Variants in ADGRA3 observed in about 807,000 individuals in gnomAD.
ADGRA3 encodes the protein adhesion G protein-coupled receptor A3, also known as G-protein coupled receptor 125.
In ADGRA3, 56 loss-of-function variants were observed where a neutral mutation model predicts 119.8. That is an observed-to-expected ratio of 0.47 (90% CI 0.38 to 0.58). ADGRA3 has a LOEUF of 0.58. Ranked by LOEUF, ADGRA3 falls within the 20% of genes least tolerant of loss-of-function variation. The pLI is 0.00. For synonymous variants in ADGRA3, 607 were observed against 623.8 expected, an observed-to-expected ratio of 0.97 and a Z score of 0.40; for missense variants, 1,516 against 1,649.0, an observed-to-expected ratio of 0.92 and a Z score of 1.40.
intron 16 of ADGRA3, chr4:22,393,770 C>G (rs1469865495): frequency 6.6e-6 from 1 of 152,136 alleles, no homozygotes; most frequent in Non-Finnish European, 1.5e-5. Flanking sequence ...ATAATGCGAC[C>G]TCTCTGAAAT....
chr4:22,489,912 G>A (rs2109146989), intron 1 of ADGRA3, among the ~76,000 whole-genome samples: 1 of 152,242 alleles, frequency 6.6e-6, no homozygotes, highest in East Asian at 1.9e-4. Flanking sequence ...AAACACACTG[G>A]AGGATAAAAA....
intron 1 of ADGRA3, among the ~76,000 whole-genome samples, chr4:22,493,470 T>C (rs1370862788): frequency 6.6e-6 from 1 of 152,082 alleles, no homozygotes; most frequent in East Asian, 1.9e-4. Context: ...AGACAAAAAA[T>C]AATAATAATA....
In ADGRA3 at chr4:22,420,899, C is replaced by G; in HGVS notation, c.1796G>C (p.Ser599Thr). 6.2e-7 allele frequency: 1 copy of G among 1,613,880 alleles called. No individual in the cohort carries two copies. ...AATGTAACATACCTTTAGTGCCAGA[C>G]TCGAAAATGTATTTGAAACATTGCA... ...FKCNVSNTFS[S>T]LALKNTIVEA... Residue 599 changes from serine (S) to threonine (T), a missense_variant, in exon 12 of 19, where the codon AGT (serine) becomes ACT (threonine). By Grantham distance (58) the Ser-to-Thr change is moderately conservative. Coordinates refer to ENST00000334304, the MANE Select transcript of ADGRA3 (RefSeq NM_145290.4).
At chr4:22,390,430 TA>T in intron 17 of ADGRA3, among the ~76,000 whole-genome samples, 1 of 108,928 alleles carries the variant, frequency 9.2e-6, no homozygotes, top group Non-Finnish European at 1.6e-5. Flanking sequence ...ATATAATACG[TA>T]TTATATATAT....
intron 1 of ADGRA3, among the ~76,000 whole-genome samples, chr4:22,479,816 T>TA (rs150143399): frequency 0.19 from 28,170 of 152,008 alleles, 2,871 homozygotes; most frequent in East Asian, 0.26. Context: ...TATGCAGCCA[T>TA]AAAAAAGGAT....
At chr4:22,508,792 G>T (rs923921583) in intron 1 of ADGRA3, among the ~76,000 whole-genome samples, 3 of 152,108 alleles carry the variant, frequency 2.0e-5, no homozygotes, top group African/African-American at 7.2e-5. Context: ...AGGCAAAACT[G>T]CAAAAAGATC....
At chr4:22,462,399 C>G (rs538537289) in intron 2 of ADGRA3, among the ~76,000 whole-genome samples, 1 of 152,190 alleles carries the variant, frequency 6.6e-6, no homozygotes, top group South Asian at 2.1e-4. Flanking sequence ...CTGCAACCTC[C>G]ACCTCCCAGG....
Position 22,515,942 on chromosome 4 carries a change from C to A in ADGRA3, c.-158G>T, listed in dbSNP as rs1719655006. 9 of 306,904 alleles carry A rather than the reference C, an allele frequency of 2.9e-5. No individual in the cohort carries two copies. The highest frequency in any genetic ancestry group is 4.3e-5 in the Non-Finnish European group (9 of 209,934). 19.0% of individuals were successfully genotyped at this position (306,904 alleles called of 1,614,324 possible). On this transcript the variant is annotated 5_prime_UTR_variant, in exon 1 of 19. Transcript: ENST00000334304. The stretch of plus-strand genomic sequence containing the variant: ...CCCCGGCGCGGACATGCTCCTTTGT[C>A]CGCTGCGGCTGCGCTGGGCCTCTAG...
intron 1 of ADGRA3, among the ~76,000 whole-genome samples, chr4:22,492,814 T>C (rs765870295): frequency 2.0e-5 from 3 of 152,160 alleles, no homozygotes; most frequent in Admixed American, 6.5e-5. Context: ...TAAAAGCATA[T>C]CCCCATCATC....
At chr4:22,512,916 GT>G (rs1438358319) in intron 1 of ADGRA3, among the ~76,000 whole-genome samples, 2 of 22,056 alleles carry the variant, frequency 9.1e-5, no homozygotes, top group Non-Finnish European at 2.5e-4. Context: ...AACAAAAACT[GT>G]GCTCAACTAA....
At chr4:22,513,004 A>G (rs1719502101) in intron 1 of ADGRA3, among the ~76,000 whole-genome samples, 1 of 152,128 alleles carries the variant, frequency 6.6e-6, no homozygotes, top group Non-Finnish European at 1.5e-5. Flanking sequence ...TGATGCTACT[A>G]TGAGAATTCT....
At chr4:22,446,379 G>T (rs1420921304) in intron 5 of ADGRA3, among the ~76,000 whole-genome samples, 1 of 152,156 alleles carries the variant, frequency 6.6e-6, no homozygotes, top group East Asian at 1.9e-4. Context: ...AGCCAGACTA[G>T]CTTTTGTCTT....
intron 3 of ADGRA3, among the ~76,000 whole-genome samples, chr4:22,456,504 G>A (rs970515770): frequency 6.6e-6 from 1 of 152,182 alleles, no homozygotes; most frequent in Non-Finnish European, 1.5e-5. Context: ...CAGGCTACAG[G>A]TTCTTTGTCT....
At position 22,442,642 on chromosome 4, in the gene ADGRA3, A is replaced by T. The variant is rs1376595498; in HGVS notation, c.920+8T>A. 6.3e-7 allele frequency: 1 copy of T among 1,596,904 alleles called. No homozygotes were observed. The highest frequency in any genetic ancestry group is 1.1e-5 in the South Asian group (1 of 87,456). On this transcript the variant is annotated splice_region_variant and intron_variant, in intron 7 of 18. Transcript: ENST00000334304. Reference sequence around the variant, plus strand: ...AATTCTTCATTCAAAAAAAAAAAAAAAGTTTACCTTGCAATCAAGGAGCAG... The same window carrying T: ...AATTCTTCATTCAAAAAAAAAAAAATAGTTTACCTTGCAATCAAGGAGCAG...
chr4:22,389,721 C>A (rs1393252260), intron 17 of ADGRA3, among the ~76,000 whole-genome samples: 1 of 152,064 alleles, frequency 6.6e-6, no homozygotes, highest in East Asian at 1.9e-4. Context: ...TCACAGAGTG[C>A]AGAGGCCCTA....
intron 16 of ADGRA3, 82 bp from the exon 17 acceptor site, chr4:22,392,772 A>T (rs1350270921): frequency 7.6e-7 from 1 of 1,310,210 alleles, no homozygotes; most frequent in Non-Finnish European, 1.0e-6. Context: ...GTAACTCAGA[A>T]GTCTGATTTG....
intron 12 of ADGRA3, among the ~76,000 whole-genome samples, chr4:22,419,815 G>C (rs906849259): frequency 3.9e-5 from 6 of 152,050 alleles, no homozygotes; most frequent in Non-Finnish European, 5.9e-5. Context: ...AGTTGAGCAG[G>C]TCCAAAGGAG....
chr4:22,426,510 A>T (rs187829536), intron 10 of ADGRA3, among the ~76,000 whole-genome samples: 1 of 152,220 alleles, frequency 6.6e-6, no homozygotes, highest in African/African-American at 2.4e-5. Context: ...TTGAGGGCCA[A>T]TGTGAGCCAG....
At chr4:22,399,564 G>C (rs1714523838) in intron 16 of ADGRA3, among the ~76,000 whole-genome samples, 1 of 151,384 alleles carries the variant, frequency 6.6e-6, no homozygotes. Flanking sequence ...ATTTTCTCCA[G>C]CTCCATTTAC....
Sources: allele counts gnomAD v4.1 joint callset (sites outside exome capture counted in the v4.1 genomes callset), GRCh38; gene constraint gnomAD v4.1.1; transcripts MANE v1.5; gene names NCBI Gene and HGNC (gene_info 2026-07-23, HGNC 2026-07-21).